Variants in HTR1F observed in about 807,000 individuals in gnomAD.
HTR1F encodes the protein 5-hydroxytryptamine receptor 1F.
HTR1F carries 17 observed loss-of-function variants against 24.0 expected under a neutral mutation model. The ratio of observed to expected loss-of-function variants is 0.71; its 90% CI spans 0.48 to 1.06. The LOEUF (loss-of-function observed/expected upper bound fraction) is 1.06, where lower values mean the gene tolerates loss of function less well. HTR1F is among the 50% of genes least tolerant of loss of function. HTR1F has a pLI of 0.00. For missense variants in HTR1F, 391 were observed against 427.8 expected (o/e 0.91, Z 0.76); for synonymous variants, 186 against 156.8 (o/e 1.19, Z -1.39).
chr3:87,863,992 A>G (rs1321257044), intron 2 of HTR1F, among the ~76,000 whole-genome samples: 8 of 152,112 alleles, frequency 5.3e-5, no homozygotes, highest in South Asian at 2.1e-4. Flanking sequence ...ACATTCCTTG[A>G]CTCATGCCAC....
intron 2 of HTR1F, among the ~76,000 whole-genome samples, chr3:87,859,362 A>G (rs1454998704): frequency 6.6e-6 from 1 of 152,252 alleles, no homozygotes; most frequent in Non-Finnish European, 1.5e-5. Context: ...GGATAGGACA[A>G]GAAGACCAGC....
intron 2 of HTR1F, among the ~76,000 whole-genome samples, chr3:87,969,069 A>G (rs1330285830): frequency 6.6e-6 from 1 of 152,238 alleles, no homozygotes; most frequent in African/African-American, 2.4e-5. Flanking sequence ...CTCCGCCTAG[A>G]TTTCAGAGGA....
At chr3:87,983,571 T>C (rs1705598160) in intron 2 of HTR1F, among the ~76,000 whole-genome samples, 1 of 152,144 alleles carries the variant, frequency 6.6e-6, no homozygotes. Flanking sequence ...GGACCTCAAA[T>C]TACTCAATGC....
At chr3:87,837,666 A>G (rs998619594) in intron 2 of HTR1F, among the ~76,000 whole-genome samples, 11 of 152,090 alleles carry the variant, frequency 7.2e-5, no homozygotes, top group African/African-American at 2.7e-4. Context: ...AATTCTAAAT[A>G]CATTGGATAA....
chr3:87,988,113 G>T (rs1705719180), intron 2 of HTR1F, among the ~76,000 whole-genome samples: 1 of 151,844 alleles, frequency 6.6e-6, no homozygotes, highest in South Asian at 2.1e-4. Context: ...GTAGATTTTA[G>T]AGCCCCAAGC....
intron 2 of HTR1F, among the ~76,000 whole-genome samples, chr3:87,987,860 TTA>T (rs1174331264): frequency 1.4e-5 from 2 of 146,174 alleles, no homozygotes; most frequent in African/African-American, 2.5e-5. Flanking sequence ...TATATGTATT[TTA>T]TATATATATG....
chr3:87,909,347 C>T (rs1006783511), intron 2 of HTR1F, among the ~76,000 whole-genome samples: 2 of 152,074 alleles, frequency 1.3e-5, no homozygotes, highest in Non-Finnish European at 2.9e-5. Context: ...CAGTATACCT[C>T]TGGTCAGTAT....
chr3:87,805,693 T>C (rs1207913990), intron 1 of HTR1F, among the ~76,000 whole-genome samples: 4 of 152,064 alleles, frequency 2.6e-5, no homozygotes, highest in Non-Finnish European at 5.9e-5. Flanking sequence ...AGCTAATGCA[T>C]GCTAGGCTTA....
At chr3:87,864,094 C>T (rs1175477741) in intron 2 of HTR1F, among the ~76,000 whole-genome samples, 2 of 152,114 alleles carry the variant, frequency 1.3e-5, no homozygotes, top group Non-Finnish European at 2.9e-5. Flanking sequence ...ATTTAAAGAC[C>T]CTTATGATTA....
intron 2 of HTR1F, among the ~76,000 whole-genome samples, chr3:87,858,082 C>A (rs1448187734): frequency 6.6e-6 from 1 of 152,112 alleles, no homozygotes; most frequent in Non-Finnish European, 1.5e-5. Flanking sequence ...ATAATCTATT[C>A]TCTACCCTAG....
At chr3:87,974,573 A>G (rs1266184322) in intron 2 of HTR1F, among the ~76,000 whole-genome samples, 2 of 152,290 alleles carry the variant, frequency 1.3e-5, no homozygotes, top group Admixed American at 6.5e-5. Context: ...TTTTTAAAAA[A>G]TGACTACCAG....
intron 1 of HTR1F, among the ~76,000 whole-genome samples, chr3:87,819,991 A>C (rs1167135080): frequency 1.3e-5 from 2 of 152,148 alleles, no homozygotes; most frequent in African/African-American, 4.8e-5. Flanking sequence ...CTTAATTTTA[A>C]TATTCTGCTT....
At chr3:87,817,760 G>A (rs1018135601) in intron 1 of HTR1F, among the ~76,000 whole-genome samples, 6 of 152,248 alleles carry the variant, frequency 3.9e-5, no homozygotes, top group African/African-American at 1.4e-4. Context: ...AGTTAAAGTA[G>A]ACAAATGGTA....
chr3:87,901,653 A>C (rs1438246534), intron 2 of HTR1F, among the ~76,000 whole-genome samples: 2 of 152,104 alleles, frequency 1.3e-5, no homozygotes, highest in Non-Finnish European at 2.9e-5. Context: ...TTAAGCGATT[A>C]TGTGTTAGAT....
chr3:87,934,570 A>G (rs1007503876), intron 2 of HTR1F, among the ~76,000 whole-genome samples: 6 of 152,208 alleles, frequency 3.9e-5, no homozygotes, highest in Non-Finnish European at 7.3e-5. Context: ...AGGGTCATGC[A>G]GAAACTATCT....
intron 2 of HTR1F, among the ~76,000 whole-genome samples, chr3:87,948,482 T>C (rs1234035233): frequency 1.3e-5 from 2 of 152,112 alleles, no homozygotes; most frequent in Non-Finnish European, 2.9e-5. Context: ...AATTCTTTTT[T>C]ATATGCTTTT....
At chr3:87,821,883 A>T (rs550681776) in intron 1 of HTR1F, among the ~76,000 whole-genome samples, 125 bp from the exon 2 acceptor site, 1 of 152,168 alleles carries the variant, frequency 6.6e-6, no homozygotes, top group South Asian at 2.1e-4. Context: ...AAAAGTGGTT[A>T]GTGGTCAGAG....
intron 2 of HTR1F, among the ~76,000 whole-genome samples, chr3:87,981,329 G>A (rs1424221554): frequency 6.6e-6 from 1 of 152,122 alleles, no homozygotes; most frequent in African/African-American, 2.4e-5. Context: ...TGAGTAGCTG[G>A]GACTACAGCC....
intron 2 of HTR1F, among the ~76,000 whole-genome samples, chr3:87,974,283 T>G (rs779558623): frequency 2.6e-5 from 4 of 152,246 alleles, no homozygotes; most frequent in Non-Finnish European, 5.9e-5. Context: ...TGCTGATATC[T>G]CAGCAGAATA....
Sources: gnomAD v4.1 joint callset for allele counts (sites outside exome capture counted in the v4.1 genomes callset) on GRCh38, gnomAD v4.1.1 for gene constraint, MANE v1.5 for transcripts, NCBI Gene and HGNC (gene_info 2026-07-23, HGNC 2026-07-21) for gene names.